DGKH: variants seen among roughly 807,000 people sequenced by gnomAD.
DGKH encodes the protein DAG kinase eta.
A neutral mutation model predicts 159.3 loss-of-function variants in DGKH; 90 were observed. The observed-to-expected ratio is 0.57, with a 90% CI of 0.48 to 0.67. The LOEUF (loss-of-function observed/expected upper bound fraction) is 0.67, where lower values mean the gene tolerates loss of function less well. DGKH is among the 30% of genes least tolerant of loss of function. The pLI is 0.00. For missense variants in DGKH, 1,181 were observed against 1,506.1 expected, an observed-to-expected ratio of 0.78 and a Z score of 3.57; for synonymous variants, 536 against 553.8, an observed-to-expected ratio of 0.97 and a Z score of 0.45.
chr13:42,080,139 TA>T (rs1300075705), intron 1 of DGKH, among the ~76,000 whole-genome samples: 1 of 152,236 alleles, frequency 6.6e-6, no homozygotes, highest in Non-Finnish European at 1.5e-5. Context: ...AATACAAAAT[TA>T]AATTGCTACT....
rs185873946 is a variant in DGKH at position 42,065,097 on chromosome 13, C to T, written c.192+16132C>T. On this transcript the variant is annotated intron_variant, in intron 1 of 29. Coordinates refer to ENST00000337343, the MANE Select transcript of DGKH (RefSeq NM_178009.5). ...CCAATTACGTATTCAGGAATCTTGA[C>T]GTGAAGGGCACTTTTTCCAATAGGG... Among the ~76,000 whole-genome samples, 16 of 152,252 alleles carry T rather than the reference C, an allele frequency of 1.1e-4. No individual in the cohort carries two copies. The East Asian group carries it at 2.5e-3, about 24-fold the overall frequency.
chr13:42,219,193 C>CTTGTT (rs1957897806), intron 26 of DGKH, 37 bp from the exon 27 acceptor site: 3 of 1,611,322 alleles, frequency 1.9e-6, no homozygotes, highest in Non-Finnish European at 2.5e-6. Flanking sequence ...GCCACTGAGT[C>CTTGTT]TTGTTTTGTT....
intron 3 of DGKH, among the ~76,000 whole-genome samples, chr13:42,144,597 G>T (rs1284363614): frequency 6.6e-6 from 1 of 151,834 alleles, no homozygotes; most frequent in East Asian, 1.9e-4. Context: ...AGAGACAGGA[G>T]AATTGCTTGA....
intron 1 of DGKH, chr13:42,070,869 A>T (rs1882918834): frequency 7.7e-7 from 1 of 1,299,810 alleles, no homozygotes; most frequent in South Asian, 1.2e-5. Flanking sequence ...TCACAATGTT[A>T]TCATGGTCAA....
At chr13:42,157,395 C>T (rs1476834500) in intron 5 of DGKH, among the ~76,000 whole-genome samples, 2 of 152,030 alleles carry the variant, frequency 1.3e-5, no homozygotes, top group Non-Finnish European at 1.5e-5. Flanking sequence ...AAAATTGAGT[C>T]AGTAGTGGAA....
chr13:42,215,492 A>C, intron 25 of DGKH, 83 bp from the exon 26 acceptor site: 1 of 1,056,226 alleles, frequency 9.5e-7, no homozygotes, highest in Non-Finnish European at 1.3e-6. Flanking sequence ...AATTTAAATT[A>C]TAAGAATAAA....
In DGKH at chr13:42,109,671, C is replaced by T. The variant is rs7998773; in HGVS notation, c.193-17792C>T. On this transcript the variant is annotated intron_variant, in intron 1 of 29. Transcript: ENST00000337343. ...GCGTGCCTGTGCGTGCGTGTGTGTGCGTGTGTGTGTGTGTGTGTGTCTGTT... is the reference window on the plus strand; with the variant it reads ...GCGTGCCTGTGCGTGCGTGTGTGTGTGTGTGTGTGTGTGTGTGTGTCTGTT... Among the ~76,000 whole-genome samples the T allele has an allele frequency of 5.2e-4, 69 of 132,260 alleles. No homozygotes were observed. The East Asian group carries it at 5.6e-3, about 11-fold the overall frequency. 86.8% of individuals were successfully genotyped at this position (132,260 alleles called of 152,430 possible).
intron 1 of DGKH, among the ~76,000 whole-genome samples, chr13:42,110,173 G>GT (rs1566106347): frequency 6.6e-6 from 1 of 152,156 alleles, no homozygotes; most frequent in Non-Finnish European, 1.5e-5. Flanking sequence ...TGAGATAACT[G>GT]TATGTGGTAG....
chr13:42,049,517 G>A, intron 1 of DGKH, among the ~76,000 whole-genome samples: 1 of 152,234 alleles, frequency 6.6e-6, no homozygotes, highest in Admixed American at 6.5e-5. Context: ...ACACCGGTCA[G>A]CCTTTCCTGC....
chr13:42,057,127 A>G (rs1593960202), intron 1 of DGKH, among the ~76,000 whole-genome samples: 2 of 152,058 alleles, frequency 1.3e-5, no homozygotes, highest in East Asian at 3.8e-4. Flanking sequence ...AAATGCTTCT[A>G]GGTACCTAAC....
At chr13:42,112,109 T>G (rs1954873230) in intron 1 of DGKH, among the ~76,000 whole-genome samples, 2 of 152,266 alleles carry the variant, frequency 1.3e-5, no homozygotes, top group Admixed American at 1.3e-4. Flanking sequence ...ATGTGTGTGT[T>G]TTATATGTAA....
intron 29 of DGKH, among the ~76,000 whole-genome samples, chr13:42,248,145 A>G (rs1040714674): frequency 1.3e-5 from 2 of 152,112 alleles, no homozygotes; most frequent in African/African-American, 4.8e-5. Flanking sequence ...AGTGTCCTAT[A>G]CAGATGTACC....
upstream of DGKH, among the ~76,000 whole-genome samples, chr13:42,046,558 C>G (rs915678686): frequency 9.9e-5 from 15 of 152,166 alleles, no homozygotes; most frequent in African/African-American, 3.6e-4. Flanking sequence ...TTAAATGGCT[C>G]AGCTCTGGGA....
chr13:42,196,790 G>A (rs1204289374), intron 17 of DGKH, among the ~76,000 whole-genome samples: 1 of 152,120 alleles, frequency 6.6e-6, no homozygotes, highest in Non-Finnish European at 1.5e-5. Flanking sequence ...TATATCAGTT[G>A]TATCAGAATA....
At chr13:42,069,613 T>A in intron 1 of DGKH, 1 of 1,452,612 alleles carries the variant, frequency 6.9e-7, no homozygotes, top group Non-Finnish European at 9.5e-7. Context: ...CCTTTCACAT[T>A]TTGATTTTCT....
chr13:42,151,615 C>CACA (rs1470360892), intron 3 of DGKH, among the ~76,000 whole-genome samples: 2 of 125,708 alleles, frequency 1.6e-5, no homozygotes, highest in African/African-American at 6.0e-5. Flanking sequence ...ACACACACAC[C>CACA]CCATGGAAAA....
rs368694870 is a variant in DGKH, at chr13:42,198,427, C to T, written c.2168-51C>T. On this transcript the variant is annotated intron_variant, in intron 17 of 29. Coordinates refer to ENST00000337343, the MANE Select transcript of DGKH (RefSeq NM_178009.5). ...TCAGGCCTGGATGGACTGGTTCTTT[C>T]TGTGTTTTTTCTTAACATGCGATCC... The T allele has an allele frequency of 5.2e-6, 8 of 1,529,590 alleles. No individual in the cohort carries two copies. The East Asian group carries it at 1.1e-4, about 22-fold the overall frequency. 94.8% of individuals were successfully genotyped at this position (1,529,590 alleles called of 1,614,324 possible).
chr13:42,098,903 T>C (rs1348470401), intron 1 of DGKH, among the ~76,000 whole-genome samples: 1 of 152,240 alleles, frequency 6.6e-6, no homozygotes, highest in African/African-American at 2.4e-5. Flanking sequence ...TACACTGGAG[T>C]GCATAAGGAG....
chr13:42,189,691 G>A (rs535826347), intron 15 of DGKH, among the ~76,000 whole-genome samples: 1 of 152,138 alleles, frequency 6.6e-6, no homozygotes, highest in Non-Finnish European at 1.5e-5. Flanking sequence ...TTTTGAGAAA[G>A]GGTCTCACTC....
Sources: gnomAD v4.1 joint callset for allele counts (sites outside exome capture counted in the v4.1 genomes callset) on GRCh38, gnomAD v4.1.1 for gene constraint, MANE v1.5 for transcripts, NCBI Gene and HGNC (gene_info 2026-07-23, HGNC 2026-07-21) for gene names.